Variants in GALNT17 observed in about 807,000 individuals in gnomAD.
The protein encoded by GALNT17 is UDP-GalNAc:polypeptide N-acetylgalactosaminyltransferase-like 3.
A neutral mutation model predicts 63.7 loss-of-function variants in GALNT17; 29 were observed. The ratio of observed to expected loss-of-function variants is 0.46; its 90% CI spans 0.34 to 0.62. The LOEUF (loss-of-function observed/expected upper bound fraction) is 0.62. GALNT17 is among the 20% of genes least tolerant of loss of function. The probability of loss-of-function intolerance (pLI) is 0.01; values close to 1 mark genes in which losing one functional copy is unlikely to be tolerated. For synonymous variants in GALNT17, 305 were observed against 318.3 expected (o/e 0.96, Z 0.45); for missense variants, 603 against 799.6 (o/e 0.75, Z 2.97).
chr7:71,667,659 C>G (rs1361481281), intron 7 of GALNT17, among the ~76,000 whole-genome samples: 1 of 152,126 alleles, frequency 6.6e-6, no homozygotes, highest in East Asian at 1.9e-4. Flanking sequence ...GAAATTGAAG[C>G]TATGAGAAGC....
At chr7:71,629,299 C>CAG (rs1790422754) in intron 6 of GALNT17, among the ~76,000 whole-genome samples, 1 of 152,120 alleles carries the variant, frequency 6.6e-6, no homozygotes, top group South Asian at 2.1e-4. Flanking sequence ...CTGCGGGCTG[C>CAG]ATTCACACCG....
intron 1 of GALNT17, among the ~76,000 whole-genome samples, chr7:71,264,884 G>A (rs569743317): frequency 6.6e-5 from 10 of 151,606 alleles, no homozygotes; most frequent in Admixed American, 4.0e-4. Context: ...CAAAAATACA[G>A]TTAGAAGGAA....
chr7:71,578,517 C>T (rs1419929883), intron 6 of GALNT17, among the ~76,000 whole-genome samples: 1 of 151,530 alleles, frequency 6.6e-6, no homozygotes, highest in Non-Finnish European at 1.5e-5. Context: ...TTTTTTGGTT[C>T]TTTTGTAGAG....
intron 1 of GALNT17, among the ~76,000 whole-genome samples, chr7:71,248,031 T>C (rs541524298): frequency 6.6e-6 from 1 of 152,308 alleles, no homozygotes; most frequent in South Asian, 2.1e-4. Context: ...GTTCTCACAC[T>C]GCTATAAAGG....
intron 1 of GALNT17, among the ~76,000 whole-genome samples, chr7:71,299,527 TCA>T (rs1304185124): frequency 1.3e-5 from 2 of 152,152 alleles, no homozygotes; most frequent in African/African-American, 2.4e-5. Context: ...ATTTACAGTC[TCA>T]GTTTTCAGTT....
intron 2 of GALNT17, among the ~76,000 whole-genome samples, chr7:71,379,120 G>C (rs1356991430): frequency 6.6e-6 from 1 of 152,184 alleles, no homozygotes; most frequent in Non-Finnish European, 1.5e-5. Flanking sequence ...TAACAAAGGA[G>C]AAGTGCCTGA....
chr7:71,639,719 C>G (rs1160431456), intron 6 of GALNT17, among the ~76,000 whole-genome samples: 6 of 152,202 alleles, frequency 3.9e-5, no homozygotes, highest in African/African-American at 1.4e-4. Flanking sequence ...ATCCTATTAT[C>G]TACTGTATAT....
chr7:71,165,313 G>C (rs553668169), intron 1 of GALNT17, among the ~76,000 whole-genome samples: 1 of 152,178 alleles, frequency 6.6e-6, no homozygotes, highest in Admixed American at 6.5e-5. Flanking sequence ...TTTGAGATAT[G>C]TATTAGTCTG....
intron 1 of GALNT17, among the ~76,000 whole-genome samples, chr7:71,279,779 G>A (rs1313971371): frequency 6.7e-6 from 1 of 150,128 alleles, no homozygotes; most frequent in Non-Finnish European, 1.5e-5. Flanking sequence ...AGCGAAATGG[G>A]GGGCAAACTA....
chr7:71,221,053 G>C (rs529071098), intron 1 of GALNT17, among the ~76,000 whole-genome samples: 12 of 152,288 alleles, frequency 7.9e-5, no homozygotes, highest in African/African-American at 2.9e-4. Context: ...GCCTCATGAA[G>C]GAGCTCAGGA....
intron 9 of GALNT17, among the ~76,000 whole-genome samples, chr7:71,685,239 C>T (rs891233163): frequency 1.3e-5 from 2 of 152,078 alleles, no homozygotes; most frequent in Non-Finnish European, 2.9e-5. Flanking sequence ...AGGAAATAAT[C>T]ACACAGTTGG....
At chr7:71,253,426 A>C (rs1288796189) in intron 1 of GALNT17, among the ~76,000 whole-genome samples, 3 of 151,980 alleles carry the variant, frequency 2.0e-5, no homozygotes, top group African/African-American at 4.8e-5. Context: ...CTCCCACGGG[A>C]TCCCTCCTAC....
chr7:71,552,293 C>T (rs981800419), intron 5 of GALNT17, among the ~76,000 whole-genome samples: 1 of 152,098 alleles, frequency 6.6e-6, no homozygotes, highest in African/African-American at 2.4e-5. Context: ...AATCCACCCA[C>T]CTTGGCCTCC....
chr7:71,345,971 T>C (rs1322122391), intron 2 of GALNT17, among the ~76,000 whole-genome samples: 4 of 148,766 alleles, frequency 2.7e-5, no homozygotes, highest in Non-Finnish European at 4.4e-5. Flanking sequence ...TCTCTTGAGG[T>C]CAGGAGTTTG....
intron 1 of GALNT17, among the ~76,000 whole-genome samples, chr7:71,173,663 C>T (rs1788584438): frequency 6.6e-6 from 1 of 152,088 alleles, no homozygotes; most frequent in Non-Finnish European, 1.5e-5. Flanking sequence ...ATCCCAGCTA[C>T]TCAGGAGGCT....
intron 2 of GALNT17, among the ~76,000 whole-genome samples, chr7:71,362,414 G>A (rs542210824): frequency 2.0e-5 from 3 of 152,084 alleles, no homozygotes; most frequent in East Asian, 1.9e-4. Flanking sequence ...AATGTTTGCC[G>A]CCTGCTGTGT....
chr7:71,564,229 G>A (rs1450644975), intron 5 of GALNT17, among the ~76,000 whole-genome samples: 1 of 149,516 alleles, frequency 6.7e-6, no homozygotes. Context: ...TCTGTAAGCA[G>A]ATTTTGATCG....
intron 2 of GALNT17, among the ~76,000 whole-genome samples, chr7:71,359,894 A>G (rs1792366622): frequency 6.6e-6 from 1 of 152,178 alleles, no homozygotes; most frequent in Non-Finnish European, 1.5e-5. Context: ...TTCCGTTTAT[A>G]TTGCTGAAAC....
chr7:71,386,342 C>A (rs1476718666), intron 2 of GALNT17, among the ~76,000 whole-genome samples: 1 of 152,198 alleles, frequency 6.6e-6, no homozygotes, highest in African/African-American at 2.4e-5. Flanking sequence ...CTCTCTCACT[C>A]CATGGCTTCA....
Sources: gnomAD v4.1 joint callset for allele counts (sites outside exome capture counted in the v4.1 genomes callset) on GRCh38, gnomAD v4.1.1 for gene constraint, MANE v1.5 for transcripts, NCBI Gene and HGNC (gene_info 2026-07-23, HGNC 2026-07-21) for gene names.